Variants in CCDC144A observed in about 807,000 individuals in gnomAD.
The protein encoded by CCDC144A is coiled-coil domain containing 144A.
A neutral mutation model predicts 143.8 loss-of-function variants in CCDC144A; 41 were observed. The ratio of observed to expected loss-of-function variants is 0.29; its 90% CI spans 0.22 to 0.37. CCDC144A has a LOEUF of 0.37. CCDC144A is among the 10% of genes least tolerant of loss of function. The pLI is 1.00. For synonymous variants in CCDC144A, 242 were observed against 517.9 expected, an observed-to-expected ratio of 0.47 and a Z score of 7.23; for missense variants, 637 against 1,488.8, an observed-to-expected ratio of 0.43 and a Z score of 9.41.
intron 1 of CCDC144A, 98 bp downstream of exon 1, chr17:16,690,842 G>A (rs1455941281): frequency 9.7e-6 from 12 of 1,239,110 alleles, no homozygotes; most frequent in African/African-American, 1.5e-5. Flanking sequence ...CGTCAGAGGG[G>A]TCAGGGGCCC....
In CCDC144A at chr17:16,690,440, G is replaced by A. The variant is rs774742134; in HGVS notation, c.40G>A (p.Gly14Arg). Residue 14 changes from glycine to arginine, a missense_variant, in exon 1 of 17, where the codon GGG becomes AGG. Transcript: ENST00000399273. ...TGGAGAAAAGCGGGGAGGGGCTGAG[G>A]GGTCTCCGAAGCCGGCAGTCTACGC... is the stretch of plus-strand genomic sequence containing the variant. ...WGGEKRGGAE[G>R]SPKPAVYATR... is the part of the protein sequence containing the mutation. 9.3e-6 allele frequency: 15 copies of A among 1,605,772 alleles called. No homozygotes were observed. In the Admixed American group the frequency reaches 1.5e-4, roughly 16 times the overall value.
chr17:16,746,289 A>G, intron 12 of CCDC144A: 1 of 661,686 alleles, frequency 1.5e-6, no homozygotes, highest in Non-Finnish European at 2.2e-6. Context: ...TTTTTTTTGC[A>G]TCTTTCTTCT....
chr17:16,712,188 A>G (rs1243201750), intron 6 of CCDC144A: 10 of 204,502 alleles, frequency 4.9e-5, no homozygotes, highest in Non-Finnish European at 9.4e-5. Flanking sequence ...GTGCTATGAA[A>G]TGAATCCTAA....
chr17:16,677,877 A>G, the CCDC144A span, among the ~76,000 whole-genome samples: 3 of 151,922 alleles, frequency 2.0e-5, no homozygotes, highest in Non-Finnish European at 4.4e-5. Flanking sequence ...GTGTCATGAC[A>G]CCTAATTTAT....
rs1912206331 is a variant in CCDC144A at position 16,708,839 on chromosome 17, A to G, written c.782A>G (p.Glu261Gly). ...GAAATGGCTAAGGATTGCGATAGAG[A>G]GGATATACCTATATATCCAGTACTT... ...EPEMAKDCDR[E>G]DIPIYPVLPH... The change falls in exon 5 of 17, where the codon GAG becomes GGG. Residue 261 changes from glutamate (E) to glycine (G), a missense_variant. By Grantham distance (98) the Glu-to-Gly change is moderately conservative. Transcript: ENST00000399273. 6 of 1,611,894 alleles carry G rather than the reference A, an allele frequency of 3.7e-6. No homozygotes were observed. In the African/African-American group the frequency reaches 5.3e-5, roughly 14 times the overall value.
At chr17:16,699,536 C>CA (rs1567584387) in intron 2 of CCDC144A, among the ~76,000 whole-genome samples, 1 of 38,704 alleles carries the variant, frequency 2.6e-5, no homozygotes, top group Non-Finnish European at 5.0e-5. Context: ...CCACCGCGCC[C>CA]GGCCTGGACT....
chr17:16,676,647 G>A, the CCDC144A span, among the ~76,000 whole-genome samples: 2 of 151,558 alleles, frequency 1.3e-5, no homozygotes, highest in Non-Finnish European at 2.9e-5. Context: ...CTTCTTACCA[G>A]ACAATTGTCA....
At chr17:16,770,661 A>G (rs1251241973) in intron 15 of CCDC144A, among the ~76,000 whole-genome samples, 2 of 152,092 alleles carry the variant, frequency 1.3e-5, no homozygotes, top group Non-Finnish European at 2.9e-5. Flanking sequence ...TCATACGTTT[A>G]AGTAAATCTC....
chr17:16,667,885 T>G, the CCDC144A span, among the ~76,000 whole-genome samples: 1 of 148,354 alleles, frequency 6.7e-6, no homozygotes, highest in Non-Finnish European at 1.5e-5. Flanking sequence ...CCTAACAACT[T>G]TTGTGCTTTT....
rs971508050 is a variant in CCDC144A, at chr17:16,777,106, A to G, written c.*3473A>G. 1 of 140,428 alleles carries G rather than the reference A, an allele frequency of 7.1e-6. No individual in the cohort carries two copies. The highest frequency in any genetic ancestry group is 2.8e-5 in the African/African-American group (1 of 36,090). The allele number at this position is 140,428 out of a possible 1,614,324, so 8.7% of individuals were successfully genotyped here. A position where few individuals can be genotyped will look rare whatever the true frequency, so the allele number is the denominator to read the frequency against. ...ACTTTAAGACAACAGCAGTTTTAAA[A>G]AGACAAAGAGGGACATTATATAATG... is the stretch of plus-strand genomic sequence containing the variant. On this transcript the variant is annotated 3_prime_UTR_variant, in exon 17 of 17. Transcript: ENST00000399273.
intron 12 of CCDC144A, among the ~76,000 whole-genome samples, chr17:16,755,052 A>G (rs1018090361): frequency 1.3e-5 from 2 of 151,840 alleles, no homozygotes; most frequent in African/African-American, 4.8e-5. Context: ...AAATATAGCT[A>G]CTCCTGTGTG....
the CCDC144A span, among the ~76,000 whole-genome samples, chr17:16,672,161 C>A: frequency 6.6e-6 from 1 of 152,194 alleles, no homozygotes; most frequent in South Asian, 2.1e-4. Context: ...TTTACTGGCA[C>A]CTTTGCTCAC....
At chr17:16,768,608 T>G (rs1397876013) in intron 15 of CCDC144A, among the ~76,000 whole-genome samples, 1 of 152,286 alleles carries the variant, frequency 6.6e-6, no homozygotes, top group Admixed American at 6.5e-5. Context: ...TTTCACATTC[T>G]AGATTAACCC....
At chr17:16,675,067 G>A in the CCDC144A span, among the ~76,000 whole-genome samples, 1 of 151,834 alleles carries the variant, frequency 6.6e-6, no homozygotes, top group Non-Finnish European at 1.5e-5. Context: ...CCAGAAGCTC[G>A]AGACCAGCCT....
chr17:16,752,203 T>A (rs566276693), intron 12 of CCDC144A, among the ~76,000 whole-genome samples: 1 of 152,152 alleles, frequency 6.6e-6, no homozygotes, highest in Non-Finnish European at 1.5e-5. Context: ...TAGATTCTCA[T>A]AGGAGCGCGA....
chr17:16,687,618 C>T (rs147951823), upstream of CCDC144A, among the ~76,000 whole-genome samples: 582 of 152,210 alleles, frequency 3.8e-3, 6 homozygotes, highest in African/African-American at 0.013. Flanking sequence ...TTAGTCTCCC[C>T]CTCCTCTTCC....
At chr17:16,729,080 G>A (rs930571521) in intron 9 of CCDC144A, among the ~76,000 whole-genome samples, 16 of 152,134 alleles carry the variant, frequency 1.1e-4, no homozygotes, top group Non-Finnish European at 1.6e-4. Flanking sequence ...TTGATATAAT[G>A]ATTTCTTTTC....
chr17:16,773,152 A>T (rs1301694873), intron 16 of CCDC144A, among the ~76,000 whole-genome samples: 1 of 151,922 alleles, frequency 6.6e-6, no homozygotes, highest in Non-Finnish European at 1.5e-5. Flanking sequence ...TGAAATATAT[A>T]GAATATAATT....
At chr17:16,694,037 A>C (rs2621664) in intron 2 of CCDC144A, among the ~76,000 whole-genome samples, 12,779 of 130,940 alleles carry the variant, frequency 0.098, 841 homozygotes, top group Middle Eastern at 0.16. Context: ...GTGGATCATT[A>C]TATAACTCTT....
Sources: gnomAD v4.1 joint callset for allele counts (sites outside exome capture counted in the v4.1 genomes callset) on GRCh38, gnomAD v4.1.1 for gene constraint, MANE v1.5 for transcripts, NCBI Gene and HGNC (gene_info 2026-07-23, HGNC 2026-07-21) for gene names.